SCN9A: variants seen among roughly 807,000 people sequenced by gnomAD.
SCN9A encodes sodium voltage-gated channel alpha subunit 9, also known as sodium channel protein type 9 subunit alpha.
SCN9A carries 131 observed loss-of-function variants against 187.0 expected under a neutral mutation model. That is an observed-to-expected ratio of 0.70 (90% CI 0.61 to 0.81). The LOEUF is 0.81. Among genes scored for constraint, SCN9A ranks in the 30% least tolerant of loss-of-function variants. The probability of loss-of-function intolerance (pLI) is 0.00; values close to 1 mark genes in which losing one functional copy is unlikely to be tolerated. For synonymous variants in SCN9A, 809 were observed against 808.6 expected, an observed-to-expected ratio of 1.00 and a Z score of -0.01; for missense variants, 2,252 against 2,396.6, an observed-to-expected ratio of 0.94 and a Z score of 1.26.
At chr2:166,249,953 G>A (rs1695964518) in intron 18 of SCN9A, among the ~76,000 whole-genome samples, 1 of 152,010 alleles carries the variant, frequency 6.6e-6, no homozygotes, top group Admixed American at 6.6e-5. Context: ...TGAGGAGCAG[G>A]CCATACATGT....
At chr2:166,273,409 A>G (rs1026378802) in intron 16 of SCN9A, among the ~76,000 whole-genome samples, 4 of 152,020 alleles carry the variant, frequency 2.6e-5, no homozygotes, top group African/African-American at 9.7e-5. Flanking sequence ...GTAATAAAAT[A>G]TTCTGTCCAA....
In SCN9A at chr2:166,278,228, A is replaced by C; in HGVS notation, c.2429T>G (p.Ile810Ser). 6.2e-7 allele frequency: 1 copy of C among 1,612,760 alleles called. No homozygotes were observed. The highest frequency in any genetic ancestry group is 1.7e-4 in the Middle Eastern group (1 of 6,056). Residue 810 changes from isoleucine (I) to serine (S), a missense_variant, in exon 15 of 27, where the codon ATT (isoleucine) becomes AGT (serine). Coordinates refer to ENST00000642356, the MANE Select transcript of SCN9A (RefSeq NM_001365536.1). ...PYEYFQVGWN[I>S]FDSLIVTLSL... is the part of the protein sequence containing the mutation. The stretch of plus-strand genomic sequence containing the variant: ...TAAAGTCACAATAAGGCTGTCAAAA[A>C]TATTCCAGCCTACTTGGAAATACTC...
In SCN9A at chr2:166,204,430, T is replaced by G; in HGVS notation, c.4433A>C (p.Gln1478Pro). Residue 1478 changes from glutamine to proline, a missense_variant, in exon 25 of 27, where the codon CAG becomes CCG. Coordinates refer to ENST00000642356, the MANE Select transcript of SCN9A (RefSeq NM_001365536.1). ...GGQDIFMTEE[Q>P]KKYYNAMKKL... is the part of the protein sequence containing the mutation. Reference sequence around the variant, plus strand: ...TTTCATTGCATTATAGTATTTCTTCTGTTCTTCTGTCATAAAGATGTCTTG... The same window carrying G: ...TTTCATTGCATTATAGTATTTCTTCGGTTCTTCTGTCATAAAGATGTCTTG... 1 of 1,602,104 alleles carries G rather than the reference T, an allele frequency of 6.2e-7. No individual in the cohort carries two copies. Among genetic ancestry groups the G allele is most frequent in the Non-Finnish European group, 8.5e-7 (1 of 1,175,790 alleles).
At chr2:166,284,904 A>AC in intron 11 of SCN9A, 80 bp from the exon 12 acceptor site, 1 of 1,428,538 alleles carries the variant, frequency 7.0e-7, no homozygotes, top group Non-Finnish European at 9.2e-7. Flanking sequence ...CACTGAACCC[A>AC]CTGGCCTGAG....
In SCN9A at chr2:166,238,232, G is replaced by T; in HGVS notation, c.3663C>A (p.Thr1221=). 6.3e-7 allele frequency: 1 copy of T among 1,588,698 alleles called. No homozygotes were observed. The highest frequency in any genetic ancestry group is 8.6e-7 in the Non-Finnish European group (1 of 1,168,356). ...FEDIYIERKK[T]IKIILEYADK... ...CTGCATACTCCAGGATAATCTTAAT[G>T]GTCTTTTTCCTTTCAATATAAATAT... Residue 1221 remains threonine, a synonymous_variant, in exon 20 of 27, where the codon ACC becomes ACA. Coordinates refer to ENST00000642356, the MANE Select transcript of SCN9A (RefSeq NM_001365536.1).
chr2:166,302,201 G>C (rs1289213414), intron 7 of SCN9A: 1 of 143,926 alleles, frequency 6.9e-6, no homozygotes, highest in African/African-American at 3.0e-5. Context: ...ATTCACGTGG[G>C]CACCATCAGA....
Position 166,199,812 on chromosome 2 carries a change from G to GA in SCN9A, c.4826dup (p.Arg1610ProfsTer37). ...CAATCCTGGCAAGACGGATCACTCG[G>GA]AACAGGGTAGGGGACACAAAATACG... On this transcript the variant is annotated frameshift_variant, in exon 27 of 27. Coordinates refer to ENST00000642356, the MANE Select transcript of SCN9A (RefSeq NM_001365536.1). LOFTEE classifies it high-confidence loss of function. The GA allele has an allele frequency of 6.2e-7, 1 of 1,613,866 alleles. No individual in the cohort carries two copies. Among genetic ancestry groups the GA allele is most frequent in the Non-Finnish European group, 8.5e-7 (1 of 1,179,964 alleles).
chr2:166,352,603 C>G (rs1328264482), intron 1 of SCN9A, among the ~76,000 whole-genome samples: 2 of 152,188 alleles, frequency 1.3e-5, no homozygotes, highest in African/African-American at 2.4e-5. Context: ...CTTCATTAGA[C>G]TCTTAATGAA....
At chr2:166,364,854 A>C (rs1700377099) in intron 1 of SCN9A, among the ~76,000 whole-genome samples, 1 of 152,188 alleles carries the variant, frequency 6.6e-6, no homozygotes, top group African/African-American at 2.4e-5. Context: ...CCAAAATATA[A>C]ATTTTTAAAT....
chr2:166,267,250 T>A lies in SCN9A; in HGVS notation c.3351+5149A>T, dbSNP rs187450535. ...TCTTCTATACTTAATTTGTTGATAA[T>A]TTTTATCAAATAAAGGATACTGGAT... is the stretch of plus-strand genomic sequence containing the variant. On this transcript the variant is annotated intron_variant, in intron 17 of 26. Coordinates refer to ENST00000642356, the MANE Select transcript of SCN9A (RefSeq NM_001365536.1). 8.7e-3 allele frequency among the ~76,000 whole-genome samples: 1,323 copies of A among 152,132 alleles called. 16 individuals are homozygous for A. Among genetic ancestry groups the A allele is most frequent in the South Asian group, 0.056 (270 of 4,830 alleles).
Position 166,286,950 on chromosome 2 carries a change from C to A in SCN9A, c.1315-327G>T, listed in dbSNP as rs139636696. Among the ~76,000 whole-genome samples, 278 of 152,132 alleles carry A rather than the reference C, an allele frequency of 1.8e-3. 3 individuals carry two copies. The highest frequency in any genetic ancestry group is 6.0e-3 in the African/African-American group (249 of 41,508). On this transcript the variant is annotated intron_variant, in intron 10 of 26. Coordinates refer to ENST00000642356, the MANE Select transcript of SCN9A (RefSeq NM_001365536.1). ...GAATGTAAAACTCGCATAAACCATG[C>A]AATAAGACAGACAATTTGATTATCA...
At chr2:166,243,799 G>A (rs763768976) in intron 18 of SCN9A, among the ~76,000 whole-genome samples, 21 of 152,050 alleles carry the variant, frequency 1.4e-4, no homozygotes, top group Admixed American at 9.2e-4. Flanking sequence ...AACGAGATAC[G>A]CAAATTGCAA....
At chr2:166,292,990 T>C (rs73969662) in intron 9 of SCN9A, among the ~76,000 whole-genome samples, 6,615 of 152,218 alleles carry the variant, frequency 0.043, 444 homozygotes, top group African/African-American at 0.14. Context: ...TGGGATGATA[T>C]ACTCAGGAAG....
chr2:166,327,505 T>C (rs749640667), intron 1 of SCN9A, among the ~76,000 whole-genome samples: 1 of 152,152 alleles, frequency 6.6e-6, no homozygotes, highest in African/African-American at 2.4e-5. Context: ...TATCTTACTC[T>C]TCCCCTAGTC....
Position 166,333,364 on chromosome 2 carries a change from G to A in SCN9A, c.-50-21558C>T, listed in dbSNP as rs554287627. Reference sequence around the variant, plus strand: ...GCTTTCATTAACAGCTCCTTGTTTTGCAGAGTTGACTTATAAAATTCCTTA... The same window carrying A: ...GCTTTCATTAACAGCTCCTTGTTTTACAGAGTTGACTTATAAAATTCCTTA... On this transcript the variant is annotated intron_variant, in intron 1 of 26. Transcript: ENST00000642356. 2.0e-5 allele frequency among the ~76,000 whole-genome samples: 3 copies of A among 152,074 alleles called. No homozygotes were observed. In the East Asian group the frequency reaches 5.8e-4, roughly 29 times the overall value.
intron 1 of SCN9A, among the ~76,000 whole-genome samples, chr2:166,327,296 G>A (rs925518838): frequency 2.6e-5 from 4 of 152,026 alleles, no homozygotes; most frequent in African/African-American, 9.7e-5. Context: ...GGGACCACAG[G>A]TGCGTGCCAC....
chr2:166,252,112 T>C (rs1216102571), intron 17 of SCN9A, among the ~76,000 whole-genome samples: 1 of 152,080 alleles, frequency 6.6e-6, no homozygotes, highest in African/African-American at 2.4e-5. Context: ...AACTTTATTA[T>C]GTTTATTATA....
intron 24 of SCN9A, among the ~76,000 whole-genome samples, chr2:166,217,942 C>T (rs952874852): frequency 6.6e-6 from 1 of 151,986 alleles, no homozygotes; most frequent in Admixed American, 6.6e-5. Context: ...TTCATTTCAG[C>T]ATTATTTACA....
chr2:166,229,034 A>G, intron 21 of SCN9A, 62 bp from the exon 22 acceptor site: 2 of 1,306,214 alleles, frequency 1.5e-6, no homozygotes, highest in East Asian at 2.3e-5. Flanking sequence ...AGGCAACATG[A>G]AAGAAATGCC....
Sources: gnomAD v4.1 joint callset for allele counts (sites outside exome capture counted in the v4.1 genomes callset) on GRCh38, gnomAD v4.1.1 for gene constraint, MANE v1.5 for transcripts, NCBI Gene and HGNC (gene_info 2026-07-23, HGNC 2026-07-21) for gene names.